Variants in GRIK5 observed in about 807,000 individuals in gnomAD.
The protein encoded by GRIK5 is glutamate ionotropic receptor kainate type subunit 5.
Under a neutral mutation model 97.4 loss-of-function variants are expected in GRIK5, and 43 were observed. The observed-to-expected ratio is 0.44, with a 90% CI of 0.35 to 0.57. The LOEUF (loss-of-function observed/expected upper bound fraction) is 0.57, where lower values mean the gene tolerates loss of function less well. GRIK5 is among the 20% of genes least tolerant of loss of function. GRIK5 has a pLI of 0.01. For synonymous variants in GRIK5, 580 were observed against 583.5 expected (o/e 0.99, Z 0.09); for missense variants, 1,015 against 1,382.0 (o/e 0.73, Z 4.21).
intron 11 of GRIK5, among the ~76,000 whole-genome samples, chr19:42,048,708 G>T (rs1270756967): frequency 1.3e-5 from 2 of 151,852 alleles, no homozygotes; most frequent in African/African-American, 2.4e-5. Flanking sequence ...AATAGAAAAA[G>T]ACATGAATAG....
At chr19:42,038,359 G>C (rs1478247204) in intron 12 of GRIK5, among the ~76,000 whole-genome samples, 1 of 152,252 alleles carries the variant, frequency 6.6e-6, no homozygotes. Flanking sequence ...TGGTGCCCCA[G>C]GCTGTCTTCC....
At chr19:42,066,714 A>T (rs1427132779) in intron 1 of GRIK5, among the ~76,000 whole-genome samples, 1 of 151,832 alleles carries the variant, frequency 6.6e-6, no homozygotes, top group African/African-American at 2.4e-5. Context: ...GAGGATGAGG[A>T]GGCAAGATAA....
intron 1 of GRIK5, chr19:42,068,722 C>A: frequency 2.0e-6 from 1 of 492,058 alleles, no homozygotes; most frequent in Admixed American, 3.7e-5. Context: ...ATGCCGAGAG[C>A]AACCTGGGCT....
chr19:42,010,476 G>A (rs1231392076), intron 15 of GRIK5, among the ~76,000 whole-genome samples: 2 of 152,216 alleles, frequency 1.3e-5, no homozygotes, highest in Non-Finnish European at 2.9e-5. Flanking sequence ...AGTGCCAGTC[G>A]ACTTCTTGTC....
chr19:42,066,422 G>A, intron 1 of GRIK5, among the ~76,000 whole-genome samples: 1 of 150,378 alleles, frequency 6.6e-6, no homozygotes, highest in South Asian at 2.1e-4. Flanking sequence ...AAAAGAGAGA[G>A]AGGCACACAC....
intron 12 of GRIK5, among the ~76,000 whole-genome samples, chr19:42,035,804 T>TTTCTG (rs2075897038): frequency 6.6e-6 from 1 of 152,246 alleles, no homozygotes; most frequent in Non-Finnish European, 1.5e-5. Context: ...GAACATCATG[T>TTTCTG]ATATCCAGTG....
intron 17 of GRIK5, among the ~76,000 whole-genome samples, 155 bp downstream of exon 17, chr19:42,005,568 G>C (rs2075479121): frequency 6.6e-6 from 1 of 152,212 alleles, no homozygotes; most frequent in African/African-American, 2.4e-5. Flanking sequence ...AGAGGCTCAG[G>C]ACGGTGATGT....
chr19:42,000,032 G>A (rs556722136), intron 19 of GRIK5, among the ~76,000 whole-genome samples: 25 of 152,342 alleles, frequency 1.6e-4, no homozygotes, highest in African/African-American at 5.5e-4. Context: ...GACTTGGCAC[G>A]TCTGAGGCAC....
chr19:42,035,755 T>C (rs1165986762), intron 12 of GRIK5, among the ~76,000 whole-genome samples: 3 of 152,168 alleles, frequency 2.0e-5, no homozygotes, highest in Middle Eastern at 6.3e-3. Flanking sequence ...AATGAATTTG[T>C]AGAAAATGAG....
Position 42,053,846 on chromosome 19 carries a change from C to A in GRIK5, c.1140G>T (p.Lys380Asn). 1.2e-6 allele frequency: 2 copies of A among 1,613,848 alleles called. No homozygotes were observed. The highest frequency in any genetic ancestry group is 8.5e-7 in the Non-Finnish European group (1 of 1,179,738). The change falls in exon 10 of 20, where the codon AAG (lysine) becomes AAT (asparagine). Residue 380 changes from lysine (K) to asparagine (N), a missense_variant. Lys to Asn is a moderately conservative substitution (Grantham distance 94, BLOSUM62 0). Coordinates refer to ENST00000593562, the MANE Select transcript of GRIK5 (RefSeq NM_002088.5). ...RTNYTLRILE[K>N]SRQGHREIGV... The stretch of plus-strand genomic sequence containing the variant: ...TCACCTCACGGTGGCCCTGCCGGGA[C>A]TTTTCTAGGATGCGCAGGGTGTAGT...
At chr19:42,017,782 T>C (rs558866352) in intron 15 of GRIK5, among the ~76,000 whole-genome samples, 3 of 152,262 alleles carry the variant, frequency 2.0e-5, no homozygotes, top group African/African-American at 7.2e-5. Flanking sequence ...AAAGCCAAGC[T>C]ACTGGCTAGA....
intron 3 of GRIK5, among the ~76,000 whole-genome samples, chr19:42,063,975 G>T (rs2076293937): frequency 6.6e-6 from 1 of 152,182 alleles, no homozygotes; most frequent in Non-Finnish European, 1.5e-5. Flanking sequence ...ACACTGGTAA[G>T]GGCCCCACCA....
intron 12 of GRIK5, among the ~76,000 whole-genome samples, chr19:42,029,192 C>T (rs376473354): frequency 1.3e-5 from 2 of 152,156 alleles, no homozygotes; most frequent in African/African-American, 4.8e-5. Flanking sequence ...CTCACCCTTC[C>T]AAGTAGCTGG....
At chr19:42,061,470 C>T (rs1004073484) in intron 5 of GRIK5, among the ~76,000 whole-genome samples, 1 of 152,204 alleles carries the variant, frequency 6.6e-6, no homozygotes, top group East Asian at 1.9e-4. Flanking sequence ...TGAGCCACCA[C>T]ACCTGGCCCA....
At chr19:42,041,221 G>C (rs1449181952) in intron 12 of GRIK5, among the ~76,000 whole-genome samples, 1 of 152,246 alleles carries the variant, frequency 6.6e-6, no homozygotes, top group Non-Finnish European at 1.5e-5. Flanking sequence ...GCATGAGAGA[G>C]AGGAGGGTGA....
In GRIK5 at chr19:42,005,920, A is replaced by G; in HGVS notation, c.2066T>C (p.Met689Thr). Residue 689 changes from methionine (M) to threonine (T), a missense_variant, in exon 17 of 20, where the codon ATG (methionine) becomes ACG (threonine). By Grantham distance (81) the Met-to-Thr change is moderately conservative. Around this residue, in one of 5 missense-constraint regions of GRIK5, gnomAD observed 229 missense variants for 341.0 expected, o/e 0.67. Transcript: ENST00000593562. ...CTGCTTCGACTGCATGTAGTTCCAC[A>G]TGCGCTGGTACGTTTGGTACCGTGA... ...QNSRYQTYQR[M>T]WNYMQSKQPS... 1 of 1,595,604 alleles carries G rather than the reference A, an allele frequency of 6.3e-7. No homozygotes were observed. Among genetic ancestry groups the G allele is most frequent in the Non-Finnish European group, 8.6e-7 (1 of 1,166,418 alleles).
chr19:42,025,217 G>C (rs909285554), intron 12 of GRIK5, among the ~76,000 whole-genome samples: 2 of 152,156 alleles, frequency 1.3e-5, no homozygotes, highest in African/African-American at 2.4e-5. Context: ...CCCCAGAGTA[G>C]ACTGGTCCCC....
chr19:42,057,271 T>C (rs760991738), intron 6 of GRIK5, among the ~76,000 whole-genome samples: 1 of 151,926 alleles, frequency 6.6e-6, no homozygotes, highest in African/African-American at 2.4e-5. Context: ...GAGGAGAGAA[T>C]AGGACTCCCA....
chr19:42,056,471 C>T (rs942079549), intron 8 of GRIK5, among the ~76,000 whole-genome samples, 191 bp downstream of exon 8: 2 of 152,066 alleles, frequency 1.3e-5, no homozygotes, highest in African/African-American at 4.8e-5. Context: ...CCTCGAGGAG[C>T]TGGTGTGGCC....
Sources: gnomAD v4.1 joint callset for allele counts (sites outside exome capture counted in the v4.1 genomes callset) on GRCh38, gnomAD v4.1.1 for gene constraint, gnomAD v4.1.1 regional missense constraint, MANE v1.5 for transcripts, NCBI Gene and HGNC (gene_info 2026-07-23, HGNC 2026-07-21) for gene names.